The following TMEM177 variants were observed in gnomAD, a reference collection of about 807,000 sequenced individuals.
TMEM177 encodes transmembrane protein 177.
A neutral mutation model predicts 14.2 loss-of-function variants in TMEM177; 4 were observed. That is an observed-to-expected ratio of 0.28 (90% CI 0.14 to 0.64). The LOEUF (loss-of-function observed/expected upper bound fraction) is 0.64. Among genes scored for constraint, TMEM177 ranks in the 30% least tolerant of loss-of-function variants. The probability of loss-of-function intolerance (pLI) is 0.82; values close to 1 mark genes in which losing one functional copy is unlikely to be tolerated. For missense variants in TMEM177, 344 were observed against 405.2 expected, an observed-to-expected ratio of 0.85 and a Z score of 1.30; for synonymous variants, 179 against 174.5, an observed-to-expected ratio of 1.03 and a Z score of -0.20.
the TMEM177 span, among the ~76,000 whole-genome samples, chr2:119,723,022 G>A: frequency 1.4e-4 from 22 of 152,048 alleles, no homozygotes; most frequent in Non-Finnish European, 2.6e-4. Flanking sequence ...GTATCTAATC[G>A]TGACTCTCTA....
At chr2:119,707,781 T>C in the TMEM177 span, among the ~76,000 whole-genome samples, 1 of 152,152 alleles carries the variant, frequency 6.6e-6, no homozygotes, top group Admixed American at 6.5e-5. Flanking sequence ...CACTCGCCCC[T>C]CCCCTCCTCC....
the TMEM177 span, among the ~76,000 whole-genome samples, chr2:119,720,603 T>C: frequency 6.6e-6 from 1 of 152,206 alleles, no homozygotes; most frequent in Non-Finnish European, 1.5e-5. Context: ...TAATTTTCAT[T>C]TTTAAAATAT....
rs974538811 is a variant in TMEM177, at chr2:119,679,219, G to C, written c.-80G>C. On this transcript the variant is annotated 5_prime_UTR_variant, in exon 1 of 2. Transcript: ENST00000272521. ...CGCACATGTAGGCGTTCCGAGCGGC[G>C]GCGGAGGTGAGCGCACGGACGAGCG... 1 of 152,236 alleles carries C rather than the reference G, an allele frequency of 6.6e-6. No homozygotes were observed. The highest frequency in any genetic ancestry group is 6.5e-5 in the Admixed American group (1 of 15,292). 9.4% of individuals were successfully genotyped at this position (152,236 alleles called of 1,614,324 possible). A position where few individuals can be genotyped will look rare whatever the true frequency, so the allele number is the denominator to read the frequency against.
At chr2:119,718,135 G>A in the TMEM177 span, among the ~76,000 whole-genome samples, 1 of 152,138 alleles carries the variant, frequency 6.6e-6, no homozygotes, top group Non-Finnish European at 1.5e-5. Flanking sequence ...AGAGCAAAAG[G>A]AATAAAGCGG....
chr2:119,685,016 C>G (rs1688986997), downstream of TMEM177, among the ~76,000 whole-genome samples: 1 of 152,174 alleles, frequency 6.6e-6, no homozygotes, highest in Non-Finnish European at 1.5e-5. Context: ...GTGCTGGAAT[C>G]ATTAGCACTC....
At position 119,681,782 on chromosome 2, in the gene TMEM177, G is replaced by GAC; in HGVS notation, c.929_930insAC (p.Ser311ProfsTer44). ...TGGAGGGGGATGCTCAATCCGGGCC[G>GAC]CTCCTGATGGGCTCATCACAAGGAC... On this transcript the variant is annotated frameshift_variant, in exon 2 of 2. Transcript: ENST00000272521. LOFTEE classifies it high-confidence loss of function. 1.2e-6 allele frequency: 2 copies of GAC among 1,611,346 alleles called. No homozygotes were observed. The highest frequency in any genetic ancestry group is 1.7e-5 in the Admixed American group (1 of 59,912).
At chr2:119,691,963 C>T in the TMEM177 span, among the ~76,000 whole-genome samples, 1 of 152,338 alleles carries the variant, frequency 6.6e-6, no homozygotes, top group South Asian at 2.1e-4. Flanking sequence ...GCAGATGGCC[C>T]AGCCTCGCAG....
chr2:119,714,434 T>C, the TMEM177 span, among the ~76,000 whole-genome samples: 17 of 152,304 alleles, frequency 1.1e-4, no homozygotes, highest in Admixed American at 4.6e-4. Flanking sequence ...AAATGCTCAG[T>C]GTTTCTCATC....
At chr2:119,691,780 G>A in the TMEM177 span, among the ~76,000 whole-genome samples, 5 of 152,306 alleles carry the variant, frequency 3.3e-5, no homozygotes, top group South Asian at 4.1e-4. Flanking sequence ...AGGCTGCTGC[G>A]GCAAGGCCTG....
At chr2:119,710,011 G>T in the TMEM177 span, among the ~76,000 whole-genome samples, 1 of 152,134 alleles carries the variant, frequency 6.6e-6, no homozygotes, top group Non-Finnish European at 1.5e-5. Context: ...GGGAGTAACT[G>T]GTTAATGGGT....
chr2:119,699,299 G>A, the TMEM177 span, among the ~76,000 whole-genome samples: 1 of 152,150 alleles, frequency 6.6e-6, no homozygotes, highest in Non-Finnish European at 1.5e-5. Flanking sequence ...AGGGGGAAGA[G>A]CCCCTTATAA....
chr2:119,717,110 A>C, the TMEM177 span, among the ~76,000 whole-genome samples: 2 of 152,070 alleles, frequency 1.3e-5, no homozygotes, highest in African/African-American at 4.8e-5. Flanking sequence ...CATGGGCCTC[A>C]GGGGTGGGGC....
downstream of TMEM177, among the ~76,000 whole-genome samples, chr2:119,686,886 A>G (rs1009911866): frequency 5.9e-5 from 9 of 152,152 alleles, no homozygotes; most frequent in African/African-American, 2.2e-4. Context: ...TAATTTTAAA[A>G]TACTAAAGCA....
downstream of TMEM177, among the ~76,000 whole-genome samples, chr2:119,684,095 TC>T (rs1392896147): frequency 6.6e-6 from 1 of 152,134 alleles, no homozygotes; most frequent in Non-Finnish European, 1.5e-5. Flanking sequence ...TTTAGAGACA[TC>T]CCCATGCTTT....
At position 119,681,743 on chromosome 2, in the gene TMEM177, CTG is replaced by C. The variant is rs1688912704; in HGVS notation, c.893_894del (p.Val298AlafsTer32). On this transcript the variant is annotated frameshift_variant, in exon 2 of 2. Coordinates refer to ENST00000272521, the MANE Select transcript of TMEM177 (RefSeq NM_030577.3). LOFTEE classifies it high-confidence loss of function. ...TTACCCTACACCACCCGCCGGGACT[CTG>C]TGCTGCAGATGTGGAGGGGGATGCT... 1.2e-6 allele frequency: 2 copies of C among 1,614,048 alleles called. No individual in the cohort carries two copies. Among genetic ancestry groups the C allele is most frequent in the Admixed American group, 1.7e-5 (1 of 60,002 alleles).
the TMEM177 span, among the ~76,000 whole-genome samples, chr2:119,716,520 T>C: frequency 6.6e-6 from 1 of 152,160 alleles, no homozygotes; most frequent in Non-Finnish European, 1.5e-5. Flanking sequence ...CAAGAGCTCG[T>C]GTTTGCAATG....
At chr2:119,690,775 C>T (rs1175742280), downstream of TMEM177, among the ~76,000 whole-genome samples, 1 of 152,262 alleles carries the variant, frequency 6.6e-6, no homozygotes, top group Admixed American at 6.5e-5. Flanking sequence ...AGCTCACAGC[C>T]TGGCTGGAAT....
the TMEM177 span, among the ~76,000 whole-genome samples, chr2:119,696,880 G>A: frequency 1.4e-4 from 21 of 152,304 alleles, no homozygotes; most frequent in African/African-American, 4.3e-4. Flanking sequence ...GGGCCAGATT[G>A]TATAGGGTCT....
At chr2:119,719,963 T>C in the TMEM177 span, among the ~76,000 whole-genome samples, 1 of 152,002 alleles carries the variant, frequency 6.6e-6, no homozygotes, top group South Asian at 2.1e-4. Context: ...CTGGCTAATT[T>C]TTTATCTTTT....
Sources: allele counts gnomAD v4.1 joint callset (sites outside exome capture counted in the v4.1 genomes callset), GRCh38; gene constraint gnomAD v4.1.1; transcripts MANE v1.5; gene names NCBI Gene and HGNC (gene_info 2026-07-23, HGNC 2026-07-21).